Variants in DOCK7 observed in about 807,000 individuals in gnomAD.
DOCK7 encodes dedicator of cytokinesis 7.
A neutral mutation model predicts 271.0 loss-of-function variants in DOCK7; 138 were observed. The ratio of observed to expected loss-of-function variants is 0.51; its 90% CI spans 0.44 to 0.59. DOCK7 has a LOEUF of 0.59. Among genes scored for constraint, DOCK7 ranks in the 20% least tolerant of loss-of-function variants. DOCK7 has a pLI of 0.00. For synonymous variants in DOCK7, 823 were observed against 876.1 expected (o/e 0.94, Z 1.07); for missense variants, 2,066 against 2,592.4 (o/e 0.80, Z 4.41).
chr1:62,483,566 T>C (rs1208230597), intron 43 of DOCK7: 3 of 149,682 alleles, frequency 2.0e-5, no homozygotes, highest in Admixed American at 6.8e-5. Flanking sequence ...GGATGTTTTA[T>C]ACCTACAATG....
At chr1:62,496,224 T>C (rs2149302858) in intron 38 of DOCK7, 115 bp downstream of exon 38, 1 of 1,162,612 alleles carries the variant, frequency 8.6e-7, no homozygotes, top group Non-Finnish European at 1.3e-6. Flanking sequence ...GATGTGTGGA[T>C]TGAAAATGAA....
At chr1:62,604,661 A>G in intron 14 of DOCK7, 1 of 1,613,284 alleles carries the variant, frequency 6.2e-7, no homozygotes, top group Non-Finnish European at 8.5e-7. Flanking sequence ...ATGAGTGTGG[A>G]GAAAACAACC....
At chr1:62,674,504 A>G (rs1660342113) in intron 1 of DOCK7, among the ~76,000 whole-genome samples, 1 of 152,228 alleles carries the variant, frequency 6.6e-6, no homozygotes, top group Non-Finnish European at 1.5e-5. Context: ...AGACAAAGCA[A>G]TTTTGAAAAA....
At position 62,539,641 on chromosome 1, in the gene DOCK7, C is replaced by T; in HGVS notation, c.3204G>A (p.Glu1068=). 1 of 1,613,728 alleles carries T rather than the reference C, an allele frequency of 6.2e-7. No homozygotes were observed. Among genetic ancestry groups the T allele is most frequent in the East Asian group, 2.2e-5 (1 of 44,848 alleles). Residue 1068 remains glutamate, a synonymous_variant, in exon 27 of 50, where the codon GAG becomes GAA. Coordinates refer to ENST00000635253, the MANE Select transcript of DOCK7 (RefSeq NM_001367561.1). ...SRFQKDTEMV[E]RLNTSLAFFL... Reference sequence around the variant, plus strand: ...AGAATGCAAGGCTTGTATTGAGTCTCTCAACCATTTCTGTGTCCTGTGAAA... The same window carrying T: ...AGAATGCAAGGCTTGTATTGAGTCTTTCAACCATTTCTGTGTCCTGTGAAA...
chr1:62,656,690 T>C (rs1423065901), intron 2 of DOCK7, among the ~76,000 whole-genome samples: 2 of 150,640 alleles, frequency 1.3e-5, no homozygotes, highest in African/African-American at 4.9e-5. Context: ...ACCCAGGGAA[T>C]GGCATGACAG....
chr1:62,652,279 C>T (rs1657479104), intron 4 of DOCK7, among the ~76,000 whole-genome samples: 1 of 152,150 alleles, frequency 6.6e-6, no homozygotes, highest in Non-Finnish European at 1.5e-5. Context: ...TTTTCTCTTA[C>T]ATTCCAATCA....
At chr1:62,655,209 T>A (rs1349429803) in intron 2 of DOCK7, among the ~76,000 whole-genome samples, 1 of 152,022 alleles carries the variant, frequency 6.6e-6, no homozygotes, top group Non-Finnish European at 1.5e-5. Flanking sequence ...ATACCATACT[T>A]CTTATCTAGT....
chr1:62,680,769 A>C (rs1168117), intron 1 of DOCK7, among the ~76,000 whole-genome samples: 144,554 of 149,888 alleles, frequency 0.96, 69,951 homozygotes, highest in South Asian at 1. Flanking sequence ...ATGCAGCCAA[A>C]AGACACATGA....
At chr1:62,601,695 C>A in intron 14 of DOCK7, 1 of 1,064,438 alleles carries the variant, frequency 9.4e-7, no homozygotes, top group Admixed American at 1.8e-5. Context: ...CATAAAATGT[C>A]AAGTGAAATC....
In DOCK7 at chr1:62,633,575, C is replaced by T; in HGVS notation, c.1039G>A (p.Glu347Lys). 1 of 1,611,416 alleles carries T rather than the reference C, an allele frequency of 6.2e-7. No individual in the cohort carries two copies. The highest frequency in any genetic ancestry group is 8.5e-7 in the Non-Finnish European group (1 of 1,178,814). ...ATGTCTCCTTGCTGTAGGACTTTTT[C>T]TAGCTGTCAAAGGCAAAAAAAGTTA... ...SQDVFLVIKL[E>K]KVLQQGDIGE... Residue 347 changes from glutamate (E) to lysine (K), a missense_variant, in exon 10 of 50, where the codon GAA becomes AAA. Glu to Lys is a moderately conservative substitution (Grantham distance 56). Coordinates refer to ENST00000635253, the MANE Select transcript of DOCK7 (RefSeq NM_001367561.1).
chr1:62,541,370 A>G (rs1352242866), intron 25 of DOCK7, among the ~76,000 whole-genome samples: 2 of 152,182 alleles, frequency 1.3e-5, no homozygotes, highest in Non-Finnish European at 2.9e-5. Flanking sequence ...GTTTACATAT[A>G]CAAGTTTATA....
chr1:62,457,720 A>G lies in DOCK7; in HGVS notation c.6213-15T>C. 1 of 1,610,614 alleles carries G rather than the reference A, an allele frequency of 6.2e-7. No individual in the cohort carries two copies. The highest frequency in any genetic ancestry group is 8.5e-7 in the Non-Finnish European group (1 of 1,178,674). On this transcript the variant is annotated splice_polypyrimidine_tract_variant and intron_variant, in intron 48 of 49. Transcript: ENST00000635253. ...CATCTTCACACCTAGGAAAAACAGG[A>G]TGTTATCAAGATATTACTTCTGGCA...
chr1:62,587,270 A>AAAT, intron 14 of DOCK7, among the ~76,000 whole-genome samples: 1 of 151,132 alleles, frequency 6.6e-6, no homozygotes, highest in Non-Finnish European at 1.5e-5. Flanking sequence ...CACAGAAGAG[A>AAAT]AATAATTCAA....
chr1:62,653,911 C>G, intron 3 of DOCK7, 73 bp downstream of exon 3: 1 of 1,539,982 alleles, frequency 6.5e-7, no homozygotes, highest in South Asian at 1.2e-5. Flanking sequence ...AAGAAGTAGG[C>G]TCTAAATAAA....
intron 48 of DOCK7, among the ~76,000 whole-genome samples, chr1:62,470,761 A>C (rs1179468368): frequency 6.6e-6 from 1 of 152,170 alleles, no homozygotes. Context: ...GTCACTTTCC[A>C]GCTTGGGCAA....
At chr1:62,646,252 G>A (rs1656648411) in intron 7 of DOCK7, among the ~76,000 whole-genome samples, 1 of 151,898 alleles carries the variant, frequency 6.6e-6, no homozygotes, top group Admixed American at 6.6e-5. Flanking sequence ...GACACAAATG[G>A]CCACATATAA....
At chr1:62,584,653 T>C in intron 15 of DOCK7, 1 of 1,338,162 alleles carries the variant, frequency 7.5e-7, no homozygotes, top group South Asian at 1.9e-5. Context: ...CATTTAGCAA[T>C]ATGGATTGAG....
intron 37 of DOCK7, among the ~76,000 whole-genome samples, chr1:62,501,499 A>AT (rs1165768417): frequency 6.6e-6 from 1 of 152,148 alleles, no homozygotes; most frequent in Non-Finnish European, 1.5e-5. Flanking sequence ...AAGAAAGATA[A>AT]TTTTTTGAAA....
At chr1:62,498,807 C>CT (rs201641085) in intron 37 of DOCK7, among the ~76,000 whole-genome samples, 171 of 145,366 alleles carry the variant, frequency 1.2e-3, no homozygotes, top group South Asian at 3.3e-3. Context: ...CCATTTCTTT[C>CT]TTTTTTTTTT....
Sources: allele counts gnomAD v4.1 joint callset (sites outside exome capture counted in the v4.1 genomes callset), GRCh38; gene constraint gnomAD v4.1.1; transcripts MANE v1.5; gene names NCBI Gene and HGNC (gene_info 2026-07-23, HGNC 2026-07-21).